The following ANO7 variants were observed in gnomAD, a reference collection of about 807,000 sequenced individuals.
ANO7 encodes the protein anoctamin-7.
Under a neutral mutation model 115.8 loss-of-function variants are expected in ANO7, and 114 were observed. The observed-to-expected ratio is 0.98, with a 90% CI of 0.85 to 1.15. The LOEUF (loss-of-function observed/expected upper bound fraction) is 1.15, where lower values mean the gene tolerates loss of function less well. Ranked by LOEUF, ANO7 falls within the 50% of genes most tolerant of loss-of-function variation. ANO7 has a pLI of 0.00. For synonymous variants in ANO7, 550 were observed against 498.2 expected (o/e 1.10, Z -1.38); for missense variants, 1,302 against 1,201.2 (o/e 1.08, Z -1.24).
At chr2:241,239,573 A>C in the ANO7 span, 1 of 1,579,124 alleles carries the variant, frequency 6.3e-7, no homozygotes, top group Non-Finnish European at 8.7e-7. The surrounding 1 kb of genome is among the most constrained non-coding windows in gnomAD (Gnocchi z 4.6). Context: ...GGGGGGTGAG[A>C]ACCCCTCCCC....
Position 241,201,319 on chromosome 2 carries a change from G to C in ANO7, c.576G>C (p.Gln192His), listed in dbSNP as rs765969414. 8.8e-5 allele frequency: 142 copies of C among 1,613,250 alleles called. No individual in the cohort carries two copies. In the East Asian group the frequency reaches 2.7e-3, roughly 30 times the overall value. The change falls in exon 7 of 25, where the codon CAG becomes CAC. Residue 192 changes from glutamine to histidine, a missense_variant. Gln to His is a conservative substitution (Grantham distance 24). Transcript: ENST00000674324. ...ACAGCTTCCTCGGGAGTGACAACCA[G>C]GACACCTTCTTCACAAGCACCAAGA... Reference protein sequence around the residue: ...KLPRFLGSDNQDTFFTSTKRH... With the variant: ...KLPRFLGSDNHDTFFTSTKRH...
At chr2:241,200,929 C>T (rs1332933422) in intron 6 of ANO7, among the ~76,000 whole-genome samples, 2 of 152,226 alleles carry the variant, frequency 1.3e-5, no homozygotes, top group African/African-American at 4.8e-5. Context: ...AGCTTCAGGG[C>T]GGCACACGGG....
downstream of ANO7, chr2:241,229,391 A>G (rs1170919945): frequency 9.8e-6 from 5 of 512,492 alleles, no homozygotes; most frequent in Admixed American, 3.3e-5. Flanking sequence ...GTTTAGTGTT[A>G]AACAGTGGAG....
intron 1 of ANO7, among the ~76,000 whole-genome samples, chr2:241,189,027 T>C (rs1004002709): frequency 3.8e-4 from 58 of 152,312 alleles, no homozygotes; most frequent in Middle Eastern, 3.4e-3. Context: ...GGTCCCTTCG[T>C]TGGGGTGGGG....
At chr2:241,216,031 C>A in intron 18 of ANO7, 62 bp from the exon 19 acceptor site, 1 of 1,544,048 alleles carries the variant, frequency 6.5e-7, no homozygotes, top group South Asian at 1.3e-5. Context: ...CCCCCAAGGA[C>A]TATAGCAGCC....
chr2:241,197,651 C>CT lies in ANO7; in HGVS notation c.310-1647dup, dbSNP rs397869408. On this transcript the variant is annotated intron_variant, in intron 4 of 24. Transcript: ENST00000674324. ...GCCTTAGCCTCCCAAGTCACCTGCC[C>CT]TTTTTTTTTTTTTTTTTTAGACAGG... Among the ~76,000 whole-genome samples, 5,683 of 135,006 alleles carry CT rather than the reference C, an allele frequency of 0.042. 638 individuals are homozygous for CT. In the East Asian group the frequency reaches 0.45, roughly 11 times the overall value. The allele number at this position is 135,006 out of a possible 152,430, so 88.6% of individuals were successfully genotyped here.
At chr2:241,216,574 A>C (rs2068833270) in intron 19 of ANO7, among the ~76,000 whole-genome samples, 1 of 152,210 alleles carries the variant, frequency 6.6e-6, no homozygotes, top group African/African-American at 2.4e-5. Context: ...CTGGGGGCTG[A>C]CAGAAGTCCT....
chr2:241,234,273 G>A, the ANO7 span, among the ~76,000 whole-genome samples: 5 of 152,110 alleles, frequency 3.3e-5, no homozygotes, highest in Admixed American at 6.5e-5. Flanking sequence ...TTGGGGCCCC[G>A]CTCTCCTCAT....
downstream of ANO7, chr2:241,229,866 C>T (rs1483243241): frequency 6.3e-7 from 1 of 1,582,696 alleles, no homozygotes; most frequent in African/African-American, 1.3e-5. Context: ...AGGGTGCGTC[C>T]CGCACCACAA....
rs1257286718 is a variant in ANO7, at chr2:241,210,301, G to A, written c.1366G>A (p.Val456Met). Residue 456 changes from valine (V) to methionine (M), a missense_variant, in exon 14 of 25, where the codon GTG becomes ATG. Coordinates refer to ENST00000674324, the MANE Select transcript of ANO7 (RefSeq NM_001370694.2). ...GGCCTCCCTGCCCCCGCAGGTGGCCGTGGTGGTCATGTGCCTCGTGTCTAT... is the reference window on the plus strand; with the variant it reads ...GGCCTCCCTGCCCCCGCAGGTGGCCATGGTGGTCATGTGCCTCGTGTCTAT... ...GSVVIVVMVA[V>M]VVMCLVSIIL... 12 of 1,613,876 alleles carry A rather than the reference G, an allele frequency of 7.4e-6. No individual in the cohort carries two copies. The highest frequency in any genetic ancestry group is 1.3e-5 in the African/African-American group (1 of 75,064).
chr2:241,204,891 GC>G lies in ANO7; in HGVS notation c.917del (p.Ala306GlyfsTer115). On this transcript the variant is annotated frameshift_variant, in exon 10 of 25. Coordinates refer to ENST00000674324, the MANE Select transcript of ANO7 (RefSeq NM_001370694.2). LOFTEE classifies it high-confidence loss of function. ...GTTTTACACAGGCTGGCTCCTGCCAGCGGCAGTGGTGGGCACACTGGTGTTC... is the reference window on the plus strand; with the variant it reads ...GTTTTACACAGGCTGGCTCCTGCCAGGGCAGTGGTGGGCACACTGGTGTTC... ...LGFYTGWLLP[A>X]AVVGTLVFLV... 1.9e-6 allele frequency: 3 copies of G among 1,613,924 alleles called. No individual in the cohort carries two copies. Among genetic ancestry groups the G allele is most frequent in the Non-Finnish European group, 2.5e-6 (3 of 1,179,944 alleles).
At chr2:241,227,061 GCTGA>G (rs375591577), downstream of ANO7, among the ~76,000 whole-genome samples, 751 of 152,342 alleles carry the variant, frequency 4.9e-3, 3 homozygotes, top group Middle Eastern at 0.024. Context: ...CAGGGCAACT[GCTGA>G]CTGTCTGGCA....
chr2:241,230,198 A>G (rs1191500707), downstream of ANO7: 3 of 1,613,412 alleles, frequency 1.9e-6, no homozygotes, highest in South Asian at 2.2e-5. This position sits in a 1 kb window ranked among gnomAD's most constrained non-coding sequence, Gnocchi z 5.0. Context: ...CTTCCTCCAC[A>G]TTCTCTGGGA....
intron 21 of ANO7, among the ~76,000 whole-genome samples, chr2:241,220,892 A>G (rs1037473132): frequency 7.3e-5 from 11 of 151,242 alleles, no homozygotes; most frequent in Admixed American, 6.6e-5. Context: ...GATCATTTCA[A>G]CTCGGGAGGC....
intron 17 of ANO7, among the ~76,000 whole-genome samples, chr2:241,213,600 G>A (rs1193846566): frequency 6.6e-6 from 1 of 152,140 alleles, no homozygotes; most frequent in Non-Finnish European, 1.5e-5. Context: ...AACTGTTCCC[G>A]ACGCACAGCC....
chr2:241,202,047 T>A (rs982452304), intron 7 of ANO7, 147 bp from the exon 8 acceptor site: 2 of 652,746 alleles, frequency 3.1e-6, no homozygotes, highest in Non-Finnish European at 5.4e-6. Context: ...TGACACAAAG[T>A]CCCAAGCCTT....
intron 6 of ANO7, 109 bp from the exon 7 acceptor site, chr2:241,201,189 C>T (rs1559443721): frequency 7.5e-7 from 1 of 1,324,596 alleles, no homozygotes; most frequent in Non-Finnish European, 1.0e-6. Flanking sequence ...GCACCCGGGC[C>T]CCAAACCTTC....
the ANO7 span, chr2:241,235,285 C>A: frequency 6.2e-7 from 1 of 1,613,980 alleles, no homozygotes. Context: ...ACTTGACGTT[C>A]AGGACCCCAG....
the ANO7 span, chr2:241,231,196 C>A: frequency 1.9e-5 from 8 of 411,588 alleles, no homozygotes; most frequent in Admixed American, 1.9e-4. Context: ...ACCAGCCTGA[C>A]CAACATGGAG....
Sources: gnomAD v4.1 joint callset for allele counts (sites outside exome capture counted in the v4.1 genomes callset) on GRCh38, gnomAD v4.1.1 for gene constraint, Gnocchi (gnomAD v3.1) non-coding constraint, MANE v1.5 for transcripts, NCBI Gene and HGNC (gene_info 2026-07-23, HGNC 2026-07-21) for gene names.